KHDRBS2: variants seen among roughly 807,000 people sequenced by gnomAD.
KHDRBS2 encodes KH domain-containing, RNA-binding, signal transduction-associated protein 2.
A neutral mutation model predicts 44.3 loss-of-function variants in KHDRBS2; 26 were observed. The ratio of observed to expected loss-of-function variants is 0.59; its 90% confidence interval spans 0.43 to 0.81. The LOEUF (loss-of-function observed/expected upper bound fraction) is 0.81, where lower values mean the gene tolerates loss of function less well. Among genes scored for constraint, KHDRBS2 ranks in the 40% least tolerant of loss-of-function variants. KHDRBS2 has a pLI of 0.00. For synonymous variants in KHDRBS2, 194 were observed against 151.1 expected (o/e 1.28, Z -2.08); for missense variants, 476 against 433.1 (o/e 1.10, Z -0.88).
At chr6:61,549,015 C>T in the KHDRBS2 span, among the ~76,000 whole-genome samples, 1 of 152,064 alleles carries the variant, frequency 6.6e-6, no homozygotes, top group Admixed American at 6.6e-5. Flanking sequence ...GCCAACATAG[C>T]ATGGCATGTA....
intron 6 of KHDRBS2, among the ~76,000 whole-genome samples, chr6:61,784,685 C>A (rs188214587): frequency 6.6e-6 from 1 of 152,078 alleles, no homozygotes; most frequent in Non-Finnish European, 1.5e-5. Flanking sequence ...ACAATATCTA[C>A]TGAAATTTTT....
chr6:61,605,981 C>A, the KHDRBS2 span, among the ~76,000 whole-genome samples: 2 of 152,214 alleles, frequency 1.3e-5, no homozygotes, highest in Middle Eastern at 3.4e-3. Flanking sequence ...GTGAAAATGG[C>A]CGGTCCCTGC....
chr6:61,776,504 A>G (rs1782033130), intron 6 of KHDRBS2, among the ~76,000 whole-genome samples: 1 of 152,258 alleles, frequency 6.6e-6, no homozygotes, highest in Admixed American at 6.5e-5. Flanking sequence ...TCTCAAAAGA[A>G]GACATTTATG....
At chr6:61,878,176 C>T (rs1458205304) in intron 6 of KHDRBS2, among the ~76,000 whole-genome samples, 2 of 151,872 alleles carry the variant, frequency 1.3e-5, no homozygotes, top group Non-Finnish European at 1.5e-5. Flanking sequence ...TGCTTGTCTA[C>T]CTGCTCCAGT....
intron 5 of KHDRBS2, among the ~76,000 whole-genome samples, chr6:61,900,168 C>T (rs1050661786): frequency 1.6e-4 from 25 of 151,826 alleles, no homozygotes; most frequent in Middle Eastern, 3.4e-3. Context: ...AATAATATTC[C>T]TTGATATTTT....
chr6:62,137,076 C>A (rs1277092331), intron 2 of KHDRBS2, among the ~76,000 whole-genome samples: 1 of 146,548 alleles, frequency 6.8e-6, no homozygotes, highest in Non-Finnish European at 1.5e-5. Flanking sequence ...TCTCGGCTCA[C>A]TGCAAGCTCC....
Position 61,833,611 on chromosome 6 carries a change from C to G in KHDRBS2, c.810+61024G>C, listed in dbSNP as rs548183045. 2.6e-5 allele frequency among the ~76,000 whole-genome samples: 4 copies of G among 151,998 alleles called. No individual in the cohort carries two copies. In the South Asian group the frequency reaches 8.3e-4, roughly 31 times the overall value. On this transcript the variant is annotated intron_variant, in intron 6 of 8. Coordinates refer to ENST00000281156, the MANE Select transcript of KHDRBS2 (RefSeq NM_152688.4). ...AGATACAAATTACATGAAACCCCAGCATATAGTTCTCCATCATTCATCATT... is the reference window on the plus strand; with the variant it reads ...AGATACAAATTACATGAAACCCCAGGATATAGTTCTCCATCATTCATCATT...
intron 1 of KHDRBS2, among the ~76,000 whole-genome samples, chr6:62,237,778 C>T (rs374051415): frequency 1.2e-4 from 19 of 152,220 alleles, no homozygotes; most frequent in Middle Eastern, 3.4e-3. Flanking sequence ...CAGTGGCTCA[C>T]GCCTCTAATC....
intron 2 of KHDRBS2, among the ~76,000 whole-genome samples, chr6:62,127,899 A>G (rs1809349149): frequency 6.6e-6 from 1 of 152,142 alleles, no homozygotes; most frequent in Non-Finnish European, 1.5e-5. Context: ...CAATCATGCA[A>G]TTATCAATTA....
intron 2 of KHDRBS2, among the ~76,000 whole-genome samples, chr6:62,096,252 T>G: frequency 6.6e-6 from 1 of 151,778 alleles, no homozygotes; most frequent in East Asian, 1.9e-4. Flanking sequence ...GAATTCCCTT[T>G]GTTTCAGTTT....
In KHDRBS2 at chr6:62,285,856, A is replaced by G. The variant is rs1842415772; in HGVS notation, c.91+2T>C. ...GTGCCCATCTGTGGGGGCAAGTCCT[A>G]CCTTCTGCCAAAAGGCGCGACGCAT... On this transcript the variant is annotated splice_donor_variant, in intron 1 of 8. Coordinates refer to ENST00000281156, the MANE Select transcript of KHDRBS2 (RefSeq NM_152688.4). LOFTEE classifies it high-confidence loss of function. 1.9e-6 allele frequency: 3 copies of G among 1,610,300 alleles called. No homozygotes were observed. The highest frequency in any genetic ancestry group is 3.3e-5 in the Admixed American group (2 of 59,794).
intron 7 of KHDRBS2, among the ~76,000 whole-genome samples, chr6:61,722,424 C>T (rs1449331545): frequency 6.6e-6 from 1 of 152,108 alleles, no homozygotes; most frequent in Non-Finnish European, 1.5e-5. Context: ...ACCTTGTGAA[C>T]CTCCTCTAGA....
At chr6:61,638,674 G>C in the KHDRBS2 span, among the ~76,000 whole-genome samples, 8 of 152,072 alleles carry the variant, frequency 5.3e-5, no homozygotes. Context: ...GCTGTCATTT[G>C]AAGATCTTTT....
At chr6:61,628,278 A>C in the KHDRBS2 span, among the ~76,000 whole-genome samples, 2 of 108,208 alleles carry the variant, frequency 1.8e-5, no homozygotes, top group Admixed American at 2.9e-4. Flanking sequence ...AAACTGGCTT[A>C]TCTTCACGGT....
chr6:61,596,329 A>C, the KHDRBS2 span, among the ~76,000 whole-genome samples: 1 of 152,212 alleles, frequency 6.6e-6, no homozygotes. Flanking sequence ...TCCCACGCAA[A>C]AAATTTTAAA....
chr6:61,894,606 C>T (rs1562387741), intron 6 of KHDRBS2, 29 bp downstream of exon 6: 20 of 1,576,324 alleles, frequency 1.3e-5, no homozygotes, highest in Non-Finnish European at 1.7e-5. Context: ...TTAACTCATC[C>T]TTACAACTTA....
At chr6:62,184,731 C>T (rs1823074173) in intron 1 of KHDRBS2, among the ~76,000 whole-genome samples, 1 of 151,802 alleles carries the variant, frequency 6.6e-6, no homozygotes, top group African/African-American at 2.4e-5. Flanking sequence ...CTCTAACTTT[C>T]CTCAGATAAG....
the KHDRBS2 span, among the ~76,000 whole-genome samples, chr6:61,672,058 C>CA: frequency 0.39 from 53,047 of 137,622 alleles, 10,582 homozygotes; most frequent in Middle Eastern, 0.5. Flanking sequence ...CATGTGTTCT[C>CA]TTGTTCAATT....
chr6:62,284,936 C>T (rs1842274284), intron 1 of KHDRBS2, among the ~76,000 whole-genome samples: 1 of 152,040 alleles, frequency 6.6e-6, no homozygotes, highest in African/African-American at 2.4e-5. Flanking sequence ...TACAAAACTG[C>T]ATTGTAACCA....
Sources: gnomAD v4.1 joint callset for allele counts (sites outside exome capture counted in the v4.1 genomes callset) on GRCh38, gnomAD v4.1.1 for gene constraint, MANE v1.5 for transcripts, NCBI Gene and HGNC (gene_info 2026-07-23, HGNC 2026-07-21) for gene names.